TBC1D19: variants seen among roughly 807,000 people sequenced by gnomAD.
TBC1D19 encodes the protein TBC1 domain family, member 19.
A neutral mutation model predicts 89.0 loss-of-function variants in TBC1D19; 60 were observed. The ratio of observed to expected loss-of-function variants is 0.67; its 90% CI spans 0.55 to 0.84. The LOEUF is 0.84. Among genes scored for constraint, TBC1D19 ranks in the 40% least tolerant of loss-of-function variants. The pLI, the probability that TBC1D19 is intolerant of heterozygous loss-of-function variation, is 0.00. For synonymous variants in TBC1D19, 189 were observed against 199.7 expected (o/e 0.95, Z 0.45); for missense variants, 500 against 610.8 (o/e 0.82, Z 1.91).
intron 9 of TBC1D19, among the ~76,000 whole-genome samples, chr4:26,667,194 C>A (rs1040172660): frequency 6.6e-6 from 1 of 152,016 alleles, no homozygotes; most frequent in African/African-American, 2.4e-5. Context: ...CTCTCAGCAA[C>A]TTTATATGGT....
At chr4:26,851,304 CCTATCTATCTATCTATCTATCTATCTAT>C in the TBC1D19 span, among the ~76,000 whole-genome samples, 1 of 146,974 alleles carries the variant, frequency 6.8e-6, no homozygotes, top group Non-Finnish European at 1.5e-5. Context: ...TAATAAATAC[CCTATCTATCTATCTATCTATCTATCTAT>C]CTATCTATCT....
chr4:26,625,246 T>C (rs1483687954), intron 4 of TBC1D19, among the ~76,000 whole-genome samples: 1 of 152,186 alleles, frequency 6.6e-6, no homozygotes, highest in Non-Finnish European at 1.5e-5. Context: ...CAGAATGTTT[T>C]CTGCTAAATA....
chr4:26,749,898 A>G (rs1265503714), intron 19 of TBC1D19, among the ~76,000 whole-genome samples: 3 of 152,160 alleles, frequency 2.0e-5, no homozygotes, highest in Non-Finnish European at 4.4e-5. Flanking sequence ...TTAAAAACCT[A>G]TACAAATATG....
intron 1 of TBC1D19, among the ~76,000 whole-genome samples, chr4:26,593,534 C>T (rs1488958891): frequency 9.2e-5 from 14 of 152,154 alleles, no homozygotes; most frequent in African/African-American, 3.1e-4. Flanking sequence ...AAAGAAACTA[C>T]CGTCAGAGTG....
intron 13 of TBC1D19, among the ~76,000 whole-genome samples, chr4:26,714,082 A>G (rs796961455): frequency 5.9e-5 from 9 of 152,212 alleles, no homozygotes; most frequent in African/African-American, 2.2e-4. Flanking sequence ...ACAGTGGCTC[A>G]CGCCTGTAAT....
chr4:26,620,317 T>TA (rs1171924244), intron 3 of TBC1D19, among the ~76,000 whole-genome samples: 2 of 152,182 alleles, frequency 1.3e-5, no homozygotes, highest in African/African-American at 4.8e-5. Flanking sequence ...TCACGGCACT[T>TA]ACTGCAATCT....
intron 20 of TBC1D19, 39 bp from the exon 21 acceptor site, chr4:26,754,834 C>G: frequency 6.7e-7 from 1 of 1,492,806 alleles, no homozygotes; most frequent in Non-Finnish European, 9.1e-7. Context: ...TCATAGACTT[C>G]GCTTTGCTAT....
the TBC1D19 span, among the ~76,000 whole-genome samples, chr4:26,820,802 T>G: frequency 1.4e-4 from 22 of 152,346 alleles, no homozygotes; most frequent in Non-Finnish European, 1.5e-5. Flanking sequence ...CTGTTTACTT[T>G]TCACCATAGC....
the TBC1D19 span, among the ~76,000 whole-genome samples, chr4:26,837,632 A>T: frequency 3.3e-5 from 5 of 152,190 alleles, no homozygotes; most frequent in Non-Finnish European, 7.3e-5. Context: ...ATTGATATTG[A>T]TCTATAACTG....
At chr4:26,585,170 T>C (rs748811117) in intron 1 of TBC1D19, 2 of 448,866 alleles carry the variant, frequency 4.5e-6, no homozygotes, top group South Asian at 3.2e-5. Context: ...AGGATTGGAA[T>C]TGCTGACTTG....
chr4:26,699,338 A>G (rs1336693730), intron 13 of TBC1D19, among the ~76,000 whole-genome samples: 6 of 152,158 alleles, frequency 3.9e-5, no homozygotes, highest in African/African-American at 9.7e-5. Context: ...AGTTAGAATG[A>G]TGATCATTAA....
intron 15 of TBC1D19, among the ~76,000 whole-genome samples, chr4:26,723,843 T>G (rs1376050019): frequency 4.6e-5 from 7 of 152,174 alleles, no homozygotes; most frequent in Non-Finnish European, 8.8e-5. Context: ...GCTTACCTTC[T>G]AGTAAGGGGA....
intron 13 of TBC1D19, among the ~76,000 whole-genome samples, chr4:26,692,246 C>T (rs1030168152): frequency 6.6e-6 from 1 of 152,136 alleles, no homozygotes; most frequent in African/African-American, 2.4e-5. Flanking sequence ...TCTCCCTCAC[C>T]TCCATTGCAG....
At chr4:26,769,481 A>G in the TBC1D19 span, among the ~76,000 whole-genome samples, 1 of 152,178 alleles carries the variant, frequency 6.6e-6, no homozygotes, top group Non-Finnish European at 1.5e-5. Flanking sequence ...TAGAAGTACA[A>G]GTAAAATGTA....
At chr4:26,647,420 T>C (rs1157260642) in intron 7 of TBC1D19, among the ~76,000 whole-genome samples, 2 of 152,214 alleles carry the variant, frequency 1.3e-5, no homozygotes, top group African/African-American at 4.8e-5. Context: ...TATTTATCTT[T>C]GAAATATATC....
chr4:26,688,452 T>A lies in TBC1D19; in HGVS notation c.954+45T>A, dbSNP rs1359546661. ...TACATAGTGTTCTTGTTTTAGGTTC[T>A]CTATATCATGATACTTTAGGAGATA... On this transcript the variant is annotated intron_variant, in intron 13 of 20. Coordinates refer to ENST00000264866, the MANE Select transcript of TBC1D19 (RefSeq NM_018317.4). The A allele has an allele frequency of 2.7e-6, 4 of 1,475,348 alleles. No individual in the cohort carries two copies. The African/African-American group carries it at 5.8e-5, about 21-fold the overall frequency. 91.4% of individuals were successfully genotyped at this position (1,475,348 alleles called of 1,614,324 possible).
At chr4:26,625,899 G>A (rs1427529421) in intron 4 of TBC1D19, among the ~76,000 whole-genome samples, 1 of 152,182 alleles carries the variant, frequency 6.6e-6, no homozygotes, top group African/African-American at 2.4e-5. Flanking sequence ...GGTAGTATTT[G>A]TGAGCCTTCT....
intron 1 of TBC1D19, among the ~76,000 whole-genome samples, chr4:26,595,853 G>A (rs11937874): frequency 0.057 from 8,669 of 152,174 alleles, 848 homozygotes; most frequent in African/African-American, 0.2. Context: ...TGGCTTGATT[G>A]CATACCTTTA....
intron 15 of TBC1D19, among the ~76,000 whole-genome samples, chr4:26,722,259 T>G (rs1373681035): frequency 1.3e-5 from 2 of 152,158 alleles, no homozygotes; most frequent in African/African-American, 4.8e-5. Flanking sequence ...ACTTTTTATA[T>G]TTTATCTAAG....
Sources: allele counts gnomAD v4.1 joint callset (sites outside exome capture counted in the v4.1 genomes callset), GRCh38; gene constraint gnomAD v4.1.1; transcripts MANE v1.5; gene names NCBI Gene and HGNC (gene_info 2026-07-23, HGNC 2026-07-21).